Variants in PACRG observed in about 807,000 individuals in gnomAD.
The protein encoded by PACRG is parkin coregulated, also known as parkin coregulated gene protein.
Under a neutral mutation model 29.7 loss-of-function variants are expected in PACRG, and 29 were observed. The observed-to-expected ratio is 0.98, with a 90% confidence interval of 0.73 to 1.33. PACRG has a LOEUF of 1.33. PACRG is among the 40% of genes most tolerant of loss of function. The probability of loss-of-function intolerance (pLI) is 0.00; values close to 1 mark genes in which losing one functional copy is unlikely to be tolerated. For synonymous variants in PACRG, 116 were observed against 118.7 expected, an observed-to-expected ratio of 0.98 and a Z score of 0.15; for missense variants, 279 against 316.2, an observed-to-expected ratio of 0.88 and a Z score of 0.89.
chr6:163,012,083 T>A (rs1447531108), intron 2 of PACRG, among the ~76,000 whole-genome samples: 4 of 152,186 alleles, frequency 2.6e-5, no homozygotes, highest in Admixed American at 2.0e-4. Context: ...CACCCTAACA[T>A]CCACAAATAG....
At chr6:162,949,475 T>G (rs945425001) in intron 2 of PACRG, among the ~76,000 whole-genome samples, 2 of 152,102 alleles carry the variant, frequency 1.3e-5, no homozygotes, top group African/African-American at 4.8e-5. Flanking sequence ...AACGGTGTAT[T>G]GTATATCTCA....
intron 2 of PACRG, among the ~76,000 whole-genome samples, chr6:163,007,657 G>A (rs1003301374): frequency 6.6e-6 from 1 of 152,076 alleles, no homozygotes; most frequent in Non-Finnish European, 1.5e-5. Context: ...GCTTCTTAGG[G>A]GTGACTGCTT....
intron 2 of PACRG, among the ~76,000 whole-genome samples, chr6:163,050,606 C>T (rs970026298): frequency 5.9e-5 from 9 of 152,180 alleles, no homozygotes; most frequent in African/African-American, 2.2e-4. Context: ...AAATACCCTT[C>T]AGTCTTAGTC....
chr6:162,791,564 T>C (rs1231447910), intron 1 of PACRG, among the ~76,000 whole-genome samples: 4 of 152,208 alleles, frequency 2.6e-5, no homozygotes, highest in Non-Finnish European at 5.9e-5. Context: ...CACTCCTAAA[T>C]GCCTGGAACT....
At chr6:163,272,740 T>C (rs982389998) in intron 4 of PACRG, among the ~76,000 whole-genome samples, 1 of 152,146 alleles carries the variant, frequency 6.6e-6, no homozygotes, top group African/African-American at 2.4e-5. Flanking sequence ...ATGGTGGTTG[T>C]TAAATATTGT....
At chr6:163,010,132 C>T (rs1255318923) in intron 2 of PACRG, among the ~76,000 whole-genome samples, 2 of 151,828 alleles carry the variant, frequency 1.3e-5, no homozygotes, top group Non-Finnish European at 2.9e-5. Context: ...AGTACAGGGC[C>T]CATAAAGTAC....
intron 4 of PACRG, among the ~76,000 whole-genome samples, chr6:163,137,621 A>T (rs1173535327): frequency 2.0e-5 from 3 of 152,084 alleles, no homozygotes; most frequent in Non-Finnish European, 2.9e-5. Context: ...CGTGCTCCAA[A>T]TCCGGAGCTC....
intron 2 of PACRG, among the ~76,000 whole-genome samples, chr6:162,871,226 TTTA>T (rs1455058483): frequency 6.6e-6 from 1 of 152,216 alleles, no homozygotes; most frequent in Non-Finnish European, 1.5e-5. Context: ...GTATTTTATT[TTTA>T]TTAAGTTTGA....
chr6:163,190,081 C>T (rs900841145), intron 4 of PACRG: 1 of 152,144 alleles, frequency 6.6e-6, no homozygotes, highest in Admixed American at 6.5e-5. Flanking sequence ...AACTGGATTC[C>T]GATTGCATTA....
At chr6:163,247,731 G>A (rs1410813976) in intron 4 of PACRG, among the ~76,000 whole-genome samples, 1 of 152,104 alleles carries the variant, frequency 6.6e-6, no homozygotes, top group East Asian at 1.9e-4. Flanking sequence ...ACACCAAGAA[G>A]CCTGCTGTTA....
intron 4 of PACRG, among the ~76,000 whole-genome samples, chr6:163,232,388 G>A (rs67864636): frequency 0.076 from 11,541 of 152,164 alleles, 907 homozygotes; most frequent in African/African-American, 0.18. Context: ...TCCAGCCTGC[G>A]TGTCAGACCA....
chr6:162,998,787 T>C (rs1342409503), intron 2 of PACRG, among the ~76,000 whole-genome samples: 1 of 152,238 alleles, frequency 6.6e-6, no homozygotes, highest in African/African-American at 2.4e-5. Context: ...CCATCCTATA[T>C]GTTATATGAT....
chr6:162,728,048 C>T lies in PACRG; in HGVS notation c.-188C>T, dbSNP rs1779410406. 4 of 726,978 alleles carry T rather than the reference C, an allele frequency of 5.5e-6. No individual in the cohort carries two copies. The South Asian group carries it at 7.1e-5, about 13-fold the overall frequency. 45.0% of individuals were successfully genotyped at this position (726,978 alleles called of 1,614,324 possible). A position where few individuals can be genotyped will look rare whatever the true frequency, so the allele number is the denominator to read the frequency against. On this transcript the variant is annotated 5_prime_UTR_variant, in exon 1 of 5. Coordinates refer to ENST00000366888, the MANE Select transcript of PACRG (RefSeq NM_001080379.2). ...AAGGTCCTGCCCTCTTCCCGCCCCG[C>T]CCCTAGGGTCCAGCTCCCTTCACCT...
chr6:162,764,157 C>T (rs1199778595), intron 1 of PACRG, among the ~76,000 whole-genome samples: 1 of 152,100 alleles, frequency 6.6e-6, no homozygotes, highest in Admixed American at 6.5e-5. Flanking sequence ...CACCTGCAGT[C>T]CCAGCTACTC....
chr6:162,970,298 G>A (rs1801416782), intron 2 of PACRG, among the ~76,000 whole-genome samples: 2 of 152,282 alleles, frequency 1.3e-5, no homozygotes, highest in Middle Eastern at 3.4e-3. Context: ...CTGAAGGAAA[G>A]AATGAGCACA....
intron 4 of PACRG, among the ~76,000 whole-genome samples, chr6:163,164,510 G>A (rs972526527): frequency 5.9e-5 from 9 of 152,204 alleles, no homozygotes; most frequent in African/African-American, 2.2e-4. Flanking sequence ...GTTATTAAGG[G>A]ACCTCGGGCT....
chr6:162,810,923 C>G (rs977645996), intron 1 of PACRG, among the ~76,000 whole-genome samples: 1 of 152,028 alleles, frequency 6.6e-6, no homozygotes, highest in Admixed American at 6.5e-5. Flanking sequence ...AGACATGAAC[C>G]TACAGATTCA....
intron 4 of PACRG, among the ~76,000 whole-genome samples, chr6:163,250,030 C>T (rs1411727756): frequency 2.0e-5 from 3 of 152,212 alleles, no homozygotes; most frequent in Non-Finnish European, 4.4e-5. Context: ...CTAGGACTGC[C>T]ACTCTTGTGA....
At chr6:163,274,777 G>A (rs114317807) in intron 4 of PACRG, among the ~76,000 whole-genome samples, 1,698 of 152,046 alleles carry the variant, frequency 0.011, 34 homozygotes, top group African/African-American at 0.039. Flanking sequence ...CTTTGATGTA[G>A]AAGTTGTTTA....
Sources: allele counts gnomAD v4.1 joint callset (sites outside exome capture counted in the v4.1 genomes callset), GRCh38; gene constraint gnomAD v4.1.1; transcripts MANE v1.5; gene names NCBI Gene and HGNC (gene_info 2026-07-23, HGNC 2026-07-21).